PARD3B: variants seen among roughly 807,000 people sequenced by gnomAD.
PARD3B encodes the protein partitioning defective 3 homolog B.
A neutral mutation model predicts 130.2 loss-of-function variants in PARD3B; 103 were observed. The ratio of observed to expected loss-of-function variants is 0.79; its 90% CI spans 0.67 to 0.93. PARD3B has a LOEUF of 0.93. PARD3B is among the 40% of genes least tolerant of loss of function. The pLI, the probability that PARD3B is intolerant of heterozygous loss-of-function variation, is 0.00. For synonymous variants in PARD3B, 583 were observed against 553.2 expected, an observed-to-expected ratio of 1.05 and a Z score of -0.76; for missense variants, 1,609 against 1,499.2, an observed-to-expected ratio of 1.07 and a Z score of -1.21.
intron 2 of PARD3B, among the ~76,000 whole-genome samples, chr2:204,962,947 T>C (rs900548327): frequency 2.6e-5 from 4 of 151,864 alleles, no homozygotes; most frequent in Admixed American, 2.0e-4. Context: ...ATTATCATCT[T>C]CAAGAAAAGT....
Position 205,301,886 on chromosome 2 carries a change from T to A in PARD3B, c.2630+185T>A. The A allele has an allele frequency of 1.1e-6, 1 of 894,324 alleles. No individual in the cohort carries two copies. Among genetic ancestry groups the A allele is most frequent in the South Asian group, 1.3e-5 (1 of 74,202 alleles). The allele number at this position is 894,324 out of a possible 1,614,324, so 55.4% of individuals were successfully genotyped here. A position where few individuals can be genotyped will look rare whatever the true frequency, so the allele number is the denominator to read the frequency against. Reference sequence around the variant, plus strand: ...AGGAGCTTTTTGGGGAAAGTTACAGTGATGACAGGACACTGTCTTAAGTTT... The same window carrying A: ...AGGAGCTTTTTGGGGAAAGTTACAGAGATGACAGGACACTGTCTTAAGTTT... On this transcript the variant is annotated intron_variant, in intron 18 of 22. Transcript: ENST00000406610. This position sits in a 1 kb window ranked among gnomAD's most constrained non-coding sequence, Gnocchi z 5.2.
Position 205,121,977 on chromosome 2 carries a change from T to G in PARD3B, c.1165+28T>G. On this transcript the variant is annotated intron_variant, in intron 8 of 22. Transcript: ENST00000406610. The surrounding 1 kb of genome is among the most constrained non-coding windows in gnomAD (Gnocchi z 5.0). ...AATTATTAAATTATGCCTAATAGCA[T>G]TCTATTATTGTAACATGTAAAATTG... The G allele has an allele frequency of 6.5e-7, 1 of 1,540,108 alleles. No individual in the cohort carries two copies. Among genetic ancestry groups the G allele is most frequent in the Non-Finnish European group, 8.8e-7 (1 of 1,129,952 alleles).
intron 1 of PARD3B, among the ~76,000 whole-genome samples, chr2:204,685,894 A>G (rs757626504): frequency 2.6e-5 from 4 of 152,154 alleles, no homozygotes; most frequent in Non-Finnish European, 4.4e-5. Context: ...GTTGTAGGTT[A>G]TAAAAATTCC....
chr2:205,399,868 G>A (rs1312554521), intron 18 of PARD3B, among the ~76,000 whole-genome samples: 2 of 152,142 alleles, frequency 1.3e-5, no homozygotes, highest in Non-Finnish European at 2.9e-5. Context: ...GCTGACTCAG[G>A]AAGCTGGGGC....
chr2:205,334,687 G>T (rs1229513980), intron 18 of PARD3B, among the ~76,000 whole-genome samples: 1 of 152,180 alleles, frequency 6.6e-6, no homozygotes, highest in African/African-American at 2.4e-5. Flanking sequence ...AAAAATGAGG[G>T]TCTGTTGAGT....
At chr2:205,051,792 G>A (rs1354720405) in intron 4 of PARD3B, among the ~76,000 whole-genome samples, 1 of 152,150 alleles carries the variant, frequency 6.6e-6, no homozygotes, top group Non-Finnish European at 1.5e-5. Flanking sequence ...CAAATTCTAT[G>A]TATATTGAGA....
chr2:205,496,895 T>C (rs2049946371), intron 20 of PARD3B, among the ~76,000 whole-genome samples: 1 of 151,964 alleles, frequency 6.6e-6, no homozygotes, highest in Non-Finnish European at 1.5e-5. Context: ...TAATAGATTA[T>C]GTATGCGATG....
At chr2:204,801,936 A>G (rs1204541662) in intron 2 of PARD3B, among the ~76,000 whole-genome samples, 1 of 152,170 alleles carries the variant, frequency 6.6e-6, no homozygotes, top group East Asian at 1.9e-4. Flanking sequence ...ATTTTATCAA[A>G]GGCCTTTTTT....
intron 1 of PARD3B, among the ~76,000 whole-genome samples, chr2:204,569,063 G>A (rs188744065): frequency 3.9e-5 from 6 of 151,982 alleles, no homozygotes; most frequent in African/African-American, 1.4e-4. Flanking sequence ...ATTTAAATAA[G>A]CTTATTTCTT....
At chr2:205,147,388 A>C (rs1023800890) in intron 10 of PARD3B, among the ~76,000 whole-genome samples, 2 of 152,026 alleles carry the variant, frequency 1.3e-5, no homozygotes, top group Non-Finnish European at 2.9e-5. Flanking sequence ...TGTTAGTTTT[A>C]ATCTCTGACT....
chr2:205,466,019 T>C (rs2048608970), intron 20 of PARD3B, among the ~76,000 whole-genome samples: 1 of 152,124 alleles, frequency 6.6e-6, no homozygotes, highest in Non-Finnish European at 1.5e-5. Context: ...GAAGAAAGTT[T>C]AGCGTTTCAA....
At chr2:205,346,277 CT>C (rs1559686030) in intron 18 of PARD3B, among the ~76,000 whole-genome samples, 1 of 151,956 alleles carries the variant, frequency 6.6e-6, no homozygotes, top group Non-Finnish European at 1.5e-5. Flanking sequence ...CCTGGCCCCC[CT>C]GGAGCCATAT....
At chr2:205,220,059 A>G (rs952495326) in intron 15 of PARD3B, among the ~76,000 whole-genome samples, 1 of 152,154 alleles carries the variant, frequency 6.6e-6, no homozygotes, top group East Asian at 1.9e-4. Context: ...AATAGGGATG[A>G]ATGTAAATTC....
chr2:204,559,469 C>T (rs1241119566), intron 1 of PARD3B, among the ~76,000 whole-genome samples: 1 of 152,126 alleles, frequency 6.6e-6, no homozygotes, highest in Non-Finnish European at 1.5e-5. Flanking sequence ...CAGAGAAATG[C>T]AAATTAAAAC....
chr2:205,478,772 T>C (rs1053357822), intron 20 of PARD3B, among the ~76,000 whole-genome samples: 1 of 152,232 alleles, frequency 6.6e-6, no homozygotes, highest in African/African-American at 2.4e-5. Context: ...TTTTAAAGTG[T>C]GTGAGCTTGG....
rs1413730358 is a variant in PARD3B, at chr2:204,905,250, C to T, written c.223-59902C>T. Among the ~76,000 whole-genome samples, 14 of 152,154 alleles carry T rather than the reference C, an allele frequency of 9.2e-5. No homozygotes were observed. The South Asian group carries it at 2.1e-3, about 23-fold the overall frequency. ...AAAGAGGCATCTTGGAGCAGTGCCCCGGGATGTGATGTTATCAGCAGGAGT... is the reference window on the plus strand; with the variant it reads ...AAAGAGGCATCTTGGAGCAGTGCCCTGGGATGTGATGTTATCAGCAGGAGT... On this transcript the variant is annotated intron_variant, in intron 2 of 22. Coordinates refer to ENST00000406610, the MANE Select transcript of PARD3B (RefSeq NM_001302769.2).
At chr2:205,068,581 A>AT (rs11360197) in intron 4 of PARD3B, among the ~76,000 whole-genome samples, 18 of 150,648 alleles carry the variant, frequency 1.2e-4, no homozygotes, top group South Asian at 8.4e-4. Context: ...GAATGAAGTT[A>AT]TTTTTTTTTT....
chr2:204,686,302 T>G lies in PARD3B; in HGVS notation c.222+20T>G. 1 of 1,550,152 alleles carries G rather than the reference T, an allele frequency of 6.5e-7. No individual in the cohort carries two copies. Among genetic ancestry groups the G allele is most frequent in the Non-Finnish European group, 8.9e-7 (1 of 1,122,248 alleles). ...GACAAGGTAGATAACTCTAAAAATG[T>G]GCCTCTTTGTTTTCCTCTACAGAGC... On this transcript the variant is annotated intron_variant, in intron 2 of 22. Transcript: ENST00000406610.
intron 10 of PARD3B, among the ~76,000 whole-genome samples, chr2:205,152,306 G>T (rs2033814315): frequency 1.3e-5 from 2 of 152,158 alleles, no homozygotes; most frequent in South Asian, 4.1e-4. Context: ...ATGTTGGCCT[G>T]CCTTGCTAGG....
Sources: gnomAD v4.1 joint callset for allele counts (sites outside exome capture counted in the v4.1 genomes callset) on GRCh38, gnomAD v4.1.1 for gene constraint, Gnocchi (gnomAD v3.1) non-coding constraint, MANE v1.5 for transcripts, NCBI Gene and HGNC (gene_info 2026-07-23, HGNC 2026-07-21) for gene names.